Variants in CCDC50 observed in about 807,000 individuals in gnomAD.
CCDC50 encodes the protein coiled-coil domain-containing protein 50.
A neutral mutation model predicts 70.2 loss-of-function variants in CCDC50; 54 were observed. The ratio of observed to expected loss-of-function variants is 0.77; its 90% CI spans 0.62 to 0.96. The LOEUF (loss-of-function observed/expected upper bound fraction) is 0.96. CCDC50 is among the 50% of genes least tolerant of loss of function. The pLI is 0.00. For missense variants in CCDC50, 558 were observed against 578.7 expected, an observed-to-expected ratio of 0.96 and a Z score of 0.37; for synonymous variants, 216 against 198.8, an observed-to-expected ratio of 1.09 and a Z score of -0.73.
At chr3:191,361,881 G>A (rs1288497149) in intron 4 of CCDC50, among the ~76,000 whole-genome samples, 3 of 152,172 alleles carry the variant, frequency 2.0e-5, no homozygotes, top group African/African-American at 7.2e-5. Flanking sequence ...CTGCACAGGA[G>A]CCAGGGAGTA....
rs558100015 is a variant in CCDC50, at chr3:191,361,236, A to G, written c.330+77A>G. On this transcript the variant is annotated intron_variant, in intron 4 of 11. Transcript: ENST00000392455. ...TTAGAGCAAAAACTTTCTGTAGGTC[A>G]CGGGCTCAATGAAGGGTTTCTGAAT... The G allele has an allele frequency of 3.6e-5, 37 of 1,022,218 alleles. No homozygotes were observed. In the South Asian group the frequency reaches 3.9e-4, roughly 11 times the overall value. The allele number at this position is 1,022,218 out of a possible 1,614,324, so 63.3% of individuals were successfully genotyped here. A position where few individuals can be genotyped will look rare whatever the true frequency, so the allele number is the denominator to read the frequency against.
At chr3:191,378,707 G>T (rs1713200530) in intron 6 of CCDC50, among the ~76,000 whole-genome samples, 1 of 149,784 alleles carries the variant, frequency 6.7e-6, no homozygotes, top group African/African-American at 2.5e-5. Flanking sequence ...ATTTCAGATG[G>T]TCCACTCTTG....
chr3:191,349,929 A>G (rs1320233102), intron 1 of CCDC50, among the ~76,000 whole-genome samples: 1 of 136,622 alleles, frequency 7.3e-6, no homozygotes, highest in African/African-American at 2.6e-5. Flanking sequence ...AAAGAACTTA[A>G]TGCCCATTTA....
chr3:191,341,732 T>A (rs944334105), intron 1 of CCDC50, among the ~76,000 whole-genome samples: 43 of 152,168 alleles, frequency 2.8e-4, no homozygotes, highest in Non-Finnish European at 5.7e-4. Context: ...GAAAAAAAAA[T>A]TACCCCACTC....
chr3:191,357,926 A>G (rs1712346338), intron 2 of CCDC50, 72 bp from the exon 3 acceptor site: 5 of 1,589,194 alleles, frequency 3.1e-6, no homozygotes, highest in South Asian at 1.1e-5. Context: ...TAAAGCTCTT[A>G]AGATTATTAT....
At chr3:191,343,414 T>G (rs1711801809) in intron 1 of CCDC50, among the ~76,000 whole-genome samples, 1 of 152,246 alleles carries the variant, frequency 6.6e-6, no homozygotes, top group Non-Finnish European at 1.5e-5. Flanking sequence ...CTGTGCAGTG[T>G]ACTGCAGAAG....
At chr3:191,382,694 G>A in intron 9 of CCDC50, 52 bp from the exon 10 acceptor site, 4 of 1,137,080 alleles carry the variant, frequency 3.5e-6, no homozygotes, top group Non-Finnish European at 5.3e-6. Context: ...TGATGATTCT[G>A]GATTGTATGT....
chr3:191,387,454 A>T (rs185779837), intron 10 of CCDC50, among the ~76,000 whole-genome samples: 12 of 152,272 alleles, frequency 7.9e-5, no homozygotes, highest in Non-Finnish European at 1.6e-4. Context: ...ACTTTAAAAC[A>T]ATTGTCTCAG....
chr3:191,357,466 T>C (rs1020703796), intron 2 of CCDC50, among the ~76,000 whole-genome samples: 8 of 152,196 alleles, frequency 5.3e-5, no homozygotes, highest in Non-Finnish European at 1.2e-4. Flanking sequence ...GTAGAAGGAA[T>C]CTATTCTTGC....
Position 191,394,264 on chromosome 3 carries a change from A to C in CCDC50, c.*2504A>C, listed in dbSNP as rs1246182577. On this transcript the variant is annotated 3_prime_UTR_variant, in exon 12 of 12. Coordinates refer to ENST00000392455, the MANE Select transcript of CCDC50 (RefSeq NM_178335.3). ...TTTTTGTGTAAAGCAAACACTTTTA[A>C]AATAATATCAGAGTAATTATTACCC... 3 of 152,112 alleles carry C rather than the reference A, an allele frequency of 2.0e-5. No homozygotes were observed. The highest frequency in any genetic ancestry group is 2.9e-5 in the Non-Finnish European group (2 of 67,980). 9.4% of individuals were successfully genotyped at this position (152,112 alleles called of 1,614,324 possible).
chr3:191,377,018 A>C (rs954327993), intron 6 of CCDC50, among the ~76,000 whole-genome samples: 1 of 152,150 alleles, frequency 6.6e-6, no homozygotes, highest in Non-Finnish European at 1.5e-5. Flanking sequence ...CATGACACTA[A>C]ACGCTGACTC....
intron 5 of CCDC50, among the ~76,000 whole-genome samples, chr3:191,374,643 C>G (rs1346878610): frequency 2.0e-5 from 3 of 152,182 alleles, no homozygotes; most frequent in Non-Finnish European, 4.4e-5. Flanking sequence ...TTGAAAGCCT[C>G]TGTCTGAAAT....
chr3:191,394,454 A>G lies in CCDC50; in HGVS notation c.*2694A>G, dbSNP rs1374584483. 4 of 152,148 alleles carry G rather than the reference A, an allele frequency of 2.6e-5. No individual in the cohort carries two copies. The highest frequency in any genetic ancestry group is 7.2e-5 in the African/African-American group (3 of 41,442). The allele number at this position is 152,148 out of a possible 1,614,324, so 9.4% of individuals were successfully genotyped here. On this transcript the variant is annotated 3_prime_UTR_variant, in exon 12 of 12. Coordinates refer to ENST00000392455, the MANE Select transcript of CCDC50 (RefSeq NM_178335.3). ...CTCTGCTTTTTACTTTGTCATTTTT[A>G]TATAAATGTGAAAGCATTTTGTTGT... is the stretch of plus-strand genomic sequence containing the variant.
At chr3:191,339,398 A>G (rs1560155136) in intron 1 of CCDC50, among the ~76,000 whole-genome samples, 1 of 152,126 alleles carries the variant, frequency 6.6e-6, no homozygotes, top group Non-Finnish European at 1.5e-5. Context: ...ACTCTATATA[A>G]AAAAAGTGAG....
At chr3:191,379,009 G>A (rs1385159396) in intron 6 of CCDC50, among the ~76,000 whole-genome samples, 3 of 152,066 alleles carry the variant, frequency 2.0e-5, no homozygotes, top group Non-Finnish European at 4.4e-5. Flanking sequence ...CTCATCATTT[G>A]CCCAGTGTTT....
At chr3:191,351,821 A>C (rs1326356909) in intron 1 of CCDC50, among the ~76,000 whole-genome samples, 1 of 140,742 alleles carries the variant, frequency 7.1e-6, no homozygotes, top group Non-Finnish European at 1.6e-5. Context: ...TTCCTATCCC[A>C]TCTCTTGCTG....
At chr3:191,357,310 A>C (rs908715500) in intron 2 of CCDC50, among the ~76,000 whole-genome samples, 160 bp downstream of exon 2, 1 of 152,154 alleles carries the variant, frequency 6.6e-6, no homozygotes, top group Non-Finnish European at 1.5e-5. Context: ...CTGGGTGATC[A>C]GTGAAGTTTC....
intron 4 of CCDC50, among the ~76,000 whole-genome samples, chr3:191,363,555 T>G (rs293801): frequency 0.26 from 39,516 of 152,100 alleles, 6,857 homozygotes; most frequent in African/African-American, 0.48. Context: ...ACATGTTAAA[T>G]TTATAATTGC....
chr3:191,331,045 G>T (rs1183305332), intron 1 of CCDC50, among the ~76,000 whole-genome samples: 1 of 152,192 alleles, frequency 6.6e-6, no homozygotes, highest in African/African-American at 2.4e-5. Context: ...GACTAAGGAG[G>T]CTGAGCGATA....
Sources: allele counts gnomAD v4.1 joint callset (sites outside exome capture counted in the v4.1 genomes callset), GRCh38; gene constraint gnomAD v4.1.1; transcripts MANE v1.5; gene names NCBI Gene and HGNC (gene_info 2026-07-23, HGNC 2026-07-21).